The following RGS6 variants were observed in gnomAD, a reference collection of about 807,000 sequenced individuals.
RGS6 encodes regulator of G protein signaling 6, also known as regulator of G-protein signaling 6.
RGS6 carries 30 observed loss-of-function variants against 78.5 expected under a neutral mutation model. The observed-to-expected ratio is 0.38, with a 90% CI of 0.29 to 0.52. The LOEUF is 0.52. Ranked by LOEUF, RGS6 falls within the 20% of genes least tolerant of loss-of-function variation. The pLI is 0.85. For synonymous variants in RGS6, 206 were observed against 206.0 expected (o/e 1.00, Z 0.00); for missense variants, 495 against 609.7 (o/e 0.81, Z 1.98).
At chr14:71,925,181 C>A in the RGS6 span, among the ~76,000 whole-genome samples, 1 of 152,118 alleles carries the variant, frequency 6.6e-6, no homozygotes, top group Admixed American at 6.6e-5. Context: ...GTGGAACATT[C>A]TTTTCATATA....
At chr14:72,560,797 CGTGTGTGTGTGTGTGTGTGTGTGT>C (rs57504072) in intron 17 of RGS6, among the ~76,000 whole-genome samples, 6 of 141,324 alleles carry the variant, frequency 4.2e-5, no homozygotes, top group African/African-American at 1.5e-4. Flanking sequence ...ATTTTGTGGA[CGTGTGTGTGTGTGTGTGTGTGTGT>C]GTGTGTGTGT....
At chr14:72,051,706 A>G (rs2153412579) in intron 2 of RGS6, among the ~76,000 whole-genome samples, 1 of 152,284 alleles carries the variant, frequency 6.6e-6, no homozygotes, top group East Asian at 1.9e-4. Flanking sequence ...CTCATTGTAA[A>G]ATCCAGTAAA....
the RGS6 span, among the ~76,000 whole-genome samples, chr14:72,586,427 A>G: frequency 1.3e-5 from 2 of 152,048 alleles, no homozygotes; most frequent in African/African-American, 4.8e-5. Context: ...CCCTTCCACC[A>G]TGGGTGGAAG....
chr14:72,320,707 C>A (rs1465863862), intron 2 of RGS6, among the ~76,000 whole-genome samples: 5 of 150,956 alleles, frequency 3.3e-5, no homozygotes, highest in Non-Finnish European at 7.4e-5. Flanking sequence ...TAGACTGGGT[C>A]TAAATAAGTG....
intron 2 of RGS6, among the ~76,000 whole-genome samples, chr14:72,221,865 G>A (rs966065019): frequency 6.6e-6 from 1 of 152,164 alleles, no homozygotes; most frequent in Non-Finnish European, 1.5e-5. Context: ...GGGAGCTGGG[G>A]TCAATCCCAT....
At chr14:72,166,532 A>G (rs2096930704) in intron 2 of RGS6, among the ~76,000 whole-genome samples, 2 of 152,200 alleles carry the variant, frequency 1.3e-5, no homozygotes, top group African/African-American at 4.8e-5. Context: ...AGAAGATCTC[A>G]TTATATGGTG....
chr14:71,929,346 C>T (rs1319524146), upstream of RGS6, among the ~76,000 whole-genome samples: 3 of 152,162 alleles, frequency 2.0e-5, no homozygotes, highest in Non-Finnish European at 4.4e-5. Flanking sequence ...TTAAAGAATA[C>T]AGGCCAGTTA....
rs145988852 is a variant in RGS6 at position 72,522,384 on chromosome 14, C to T, written c.1278+3847C>T. Among the ~76,000 whole-genome samples, 1,001 of 152,286 alleles carry T rather than the reference C, an allele frequency of 6.6e-3. 13 individuals are homozygous for T. The highest frequency in any genetic ancestry group is 0.023 in the African/African-American group (966 of 41,548). On this transcript the variant is annotated intron_variant, in intron 15 of 17. Coordinates refer to ENST00000553525, the MANE Select transcript of RGS6 (RefSeq NM_001204424.2). The stretch of plus-strand genomic sequence containing the variant: ...TTCAACAATATGAAATTTAGGGAGA[C>T]ACAACATTCATTCCACAACAGGGCG...
chr14:72,620,363 A>G, the RGS6 span, among the ~76,000 whole-genome samples: 2 of 152,216 alleles, frequency 1.3e-5, no homozygotes, highest in Non-Finnish European at 2.9e-5. Flanking sequence ...GACTTTATAT[A>G]TTTGAAGATC....
the RGS6 span, among the ~76,000 whole-genome samples, chr14:72,583,050 T>C: frequency 6.6e-6 from 1 of 152,174 alleles, no homozygotes; most frequent in East Asian, 1.9e-4. Flanking sequence ...TTCATTCTCT[T>C]CTGAACTGGG....
intron 2 of RGS6, among the ~76,000 whole-genome samples, chr14:72,223,542 A>AG (rs1269577130): frequency 1.3e-5 from 2 of 152,216 alleles, no homozygotes; most frequent in Non-Finnish European, 2.9e-5. Context: ...TTGTGGATGG[A>AG]GGGGGTGTGA....
chr14:72,342,575 A>AAT lies in RGS6; in HGVS notation c.85-9519_85-9518insTA, dbSNP rs1294041177. ...ACTGAGACTCTGTCTTAAAAAAAAAAAAAAACTATCCAGGCGTGGTGGTGG... is the reference window on the plus strand; with the variant it reads ...ACTGAGACTCTGTCTTAAAAAAAAAAATAAAAACTATCCAGGCGTGGTGGTGG... On this transcript the variant is annotated intron_variant, in intron 2 of 17. Coordinates refer to ENST00000553525, the MANE Select transcript of RGS6 (RefSeq NM_001204424.2). Among the ~76,000 whole-genome samples, 6 of 150,290 alleles carry AAT rather than the reference A, an allele frequency of 4.0e-5. No individual in the cohort carries two copies. The South Asian group carries it at 6.4e-4, about 16-fold the overall frequency.
At chr14:72,228,619 T>TTGTCATCTTTGTCATCGACA (rs2048742741) in intron 2 of RGS6, among the ~76,000 whole-genome samples, 1 of 152,080 alleles carries the variant, frequency 6.6e-6, no homozygotes, top group Non-Finnish European at 1.5e-5. Flanking sequence ...AAGATGAACT[T>TTGTCATCTTTGTCATCGACA]GAATCGAACA....
intron 2 of RGS6, among the ~76,000 whole-genome samples, chr14:72,255,119 G>A (rs960491529): frequency 1.1e-4 from 16 of 152,260 alleles, no homozygotes; most frequent in Admixed American, 9.2e-4. Flanking sequence ...TGGTAGGGAA[G>A]CAGCTTTATT....
At chr14:72,243,393 G>A (rs146807076) in intron 2 of RGS6, among the ~76,000 whole-genome samples, 3 of 152,166 alleles carry the variant, frequency 2.0e-5, no homozygotes, top group South Asian at 4.1e-4. Flanking sequence ...TCCCTTGGCA[G>A]CTTTGTGGAT....
the RGS6 span, among the ~76,000 whole-genome samples, chr14:71,909,124 C>G: frequency 3.1e-4 from 47 of 152,290 alleles, no homozygotes; most frequent in Admixed American, 4.6e-4. Flanking sequence ...AAGAGCACAT[C>G]TGCATGTTCC....
rs540970363 is a variant in RGS6 at position 72,079,987 on chromosome 14, C to T, written c.84+115112C>T. On this transcript the variant is annotated intron_variant, in intron 2 of 17. Coordinates refer to ENST00000553525, the MANE Select transcript of RGS6 (RefSeq NM_001204424.2). ...ACTTTGATTATTGTGACTAATGCTA[C>T]AATGAACACGGGAGTGCAGGCAACT... 9.2e-5 allele frequency among the ~76,000 whole-genome samples: 14 copies of T among 152,228 alleles called. No individual in the cohort carries two copies. The South Asian group carries it at 2.5e-3, about 27-fold the overall frequency.
At chr14:72,337,256 C>T (rs969735069) in intron 2 of RGS6, among the ~76,000 whole-genome samples, 1 of 151,360 alleles carries the variant, frequency 6.6e-6, no homozygotes, top group African/African-American at 2.4e-5. Context: ...CCTCTAACCC[C>T]CACCACCTAA....
chr14:72,611,440 G>C, the RGS6 span, among the ~76,000 whole-genome samples: 8 of 152,216 alleles, frequency 5.3e-5, no homozygotes, highest in African/African-American at 1.9e-4. Context: ...CACCAGCAGT[G>C]CCAGATACAG....
Sources: allele counts gnomAD v4.1 joint callset (sites outside exome capture counted in the v4.1 genomes callset), GRCh38; gene constraint gnomAD v4.1.1; transcripts MANE v1.5; gene names NCBI Gene and HGNC (gene_info 2026-07-23, HGNC 2026-07-21).